PLCB4: variants seen among roughly 807,000 people sequenced by gnomAD.
PLCB4 encodes phospholipase C beta 4.
A neutral mutation model predicts 178.8 loss-of-function variants in PLCB4; 77 were observed. The observed-to-expected ratio is 0.43, with a 90% confidence interval of 0.36 to 0.52. The LOEUF is 0.52. Among genes scored for constraint, PLCB4 ranks in the 20% least tolerant of loss-of-function variants. The pLI is 0.00. For missense variants in PLCB4, 1,024 were observed against 1,453.4 expected, an observed-to-expected ratio of 0.70 and a Z score of 4.80; for synonymous variants, 496 against 490.8, an observed-to-expected ratio of 1.01 and a Z score of -0.14.
intron 7 of PLCB4, among the ~76,000 whole-genome samples, chr20:9,358,640 G>A (rs8121798): frequency 0.13 from 20,495 of 152,024 alleles, 2,330 homozygotes; most frequent in African/African-American, 0.32. Context: ...CACGCCTGTA[G>A]TTCCAGCACT....
intron 2 of PLCB4, among the ~76,000 whole-genome samples, chr20:9,179,044 ATAACT>A (rs1177910924): frequency 6.6e-6 from 1 of 152,232 alleles, no homozygotes; most frequent in Non-Finnish European, 1.5e-5. Context: ...AAAAATGAAG[ATAACT>A]TAAAATTGAC....
intron 2 of PLCB4, among the ~76,000 whole-genome samples, chr20:9,101,082 G>A (rs2091131878): frequency 6.6e-6 from 1 of 152,118 alleles, no homozygotes; most frequent in Non-Finnish European, 1.5e-5. Context: ...CAGGGACAGA[G>A]GTTGCCTGCT....
chr20:9,226,215 G>A (rs1042560404), intron 3 of PLCB4, among the ~76,000 whole-genome samples: 1 of 152,186 alleles, frequency 6.6e-6, no homozygotes, highest in South Asian at 2.1e-4. Context: ...GCTGGGAGGA[G>A]GCAATCCTCC....
At chr20:9,364,228 A>T (rs374483318) in intron 8 of PLCB4, among the ~76,000 whole-genome samples, 3 of 152,108 alleles carry the variant, frequency 2.0e-5, no homozygotes, top group East Asian at 3.8e-4. Flanking sequence ...TGATGTTATG[A>T]CTTCAGGCAC....
chr20:9,190,453 A>G (rs547227971), intron 2 of PLCB4, among the ~76,000 whole-genome samples: 7 of 152,210 alleles, frequency 4.6e-5, no homozygotes, highest in African/African-American at 1.7e-4. Context: ...ATGATTGTAA[A>G]TTTCCTGAGG....
intron 3 of PLCB4, among the ~76,000 whole-genome samples, chr20:9,297,977 G>C (rs146218288): frequency 1.3e-5 from 2 of 152,096 alleles, no homozygotes; most frequent in African/African-American, 4.8e-5. Flanking sequence ...AAATTGCCAG[G>C]GCTCAGAACA....
chr20:9,137,022 C>T (rs910047859), intron 2 of PLCB4, among the ~76,000 whole-genome samples: 1 of 151,984 alleles, frequency 6.6e-6, no homozygotes, highest in African/African-American at 2.4e-5. Context: ...CTCTTCTTGC[C>T]AACATGCTGT....
chr20:9,236,609 A>G (rs1422645446), intron 3 of PLCB4, among the ~76,000 whole-genome samples: 1 of 152,154 alleles, frequency 6.6e-6, no homozygotes, highest in Non-Finnish European at 1.5e-5. Flanking sequence ...CTGATTTTTA[A>G]GTGCTGTCTG....
At chr20:9,233,878 C>T (rs974522435) in intron 3 of PLCB4, among the ~76,000 whole-genome samples, 1 of 151,996 alleles carries the variant, frequency 6.6e-6, no homozygotes, top group African/African-American at 2.4e-5. Context: ...GGGAATTTAT[C>T]GATAGGCATG....
At chr20:9,172,929 G>GAAATAAT (rs2093088230) in intron 2 of PLCB4, among the ~76,000 whole-genome samples, 1 of 152,096 alleles carries the variant, frequency 6.6e-6, no homozygotes, top group Admixed American at 6.6e-5. Flanking sequence ...TTGTTTTTCT[G>GAAATAAT]AAATAATTTC....
intron 28 of PLCB4, among the ~76,000 whole-genome samples, chr20:9,426,481 C>A (rs557357114): frequency 6.6e-6 from 1 of 152,052 alleles, no homozygotes; most frequent in African/African-American, 2.4e-5. Context: ...CATGTTCAGG[C>A]GATTCTCCTG....
chr20:9,279,628 G>C (rs2094477056), intron 3 of PLCB4, among the ~76,000 whole-genome samples: 1 of 151,924 alleles, frequency 6.6e-6, no homozygotes, highest in Non-Finnish European at 1.5e-5. Flanking sequence ...TACTTCCAAA[G>C]AGTTCATCAT....
At chr20:9,461,135 G>T (rs2043365441) in intron 35 of PLCB4, among the ~76,000 whole-genome samples, 1 of 152,170 alleles carries the variant, frequency 6.6e-6, no homozygotes, top group East Asian at 1.9e-4. Flanking sequence ...CTTTTACATT[G>T]TTGAATAAAG....
In PLCB4 at chr20:9,070,801, A is replaced by G. The variant is rs532908189; in HGVS notation, c.-135+1595A>G. Among the ~76,000 whole-genome samples, 386 of 152,302 alleles carry G rather than the reference A, an allele frequency of 2.5e-3. 1 individual carries two copies. The highest frequency in any genetic ancestry group is 8.5e-3 in the African/African-American group (353 of 41,556). On this transcript the variant is annotated intron_variant, in intron 1 of 39. Transcript: ENST00000378473. ...ATGGACTACACTTCCTTCCAACTATATTATTACTCAACAGTTGGAACTTAG... is the reference window on the plus strand; with the variant it reads ...ATGGACTACACTTCCTTCCAACTATGTTATTACTCAACAGTTGGAACTTAG...
chr20:9,195,638 A>T (rs973155538), intron 2 of PLCB4, among the ~76,000 whole-genome samples: 2 of 151,728 alleles, frequency 1.3e-5, no homozygotes, highest in African/African-American at 4.8e-5. Flanking sequence ...GGGCTTTTTG[A>T]CTCAGGCTGG....
At chr20:9,128,672 G>C (rs1211681389) in intron 2 of PLCB4, among the ~76,000 whole-genome samples, 1 of 152,182 alleles carries the variant, frequency 6.6e-6, no homozygotes. Flanking sequence ...ACAGGCATGA[G>C]CCACCGCACC....
At chr20:9,070,928 G>A (rs1386675915) in intron 1 of PLCB4, among the ~76,000 whole-genome samples, 1 of 152,130 alleles carries the variant, frequency 6.6e-6, no homozygotes, top group Admixed American at 6.5e-5. Context: ...TGATCACTGG[G>A]TGCACATTTA....
chr20:9,452,634 A>T (rs1310309687), intron 32 of PLCB4, among the ~76,000 whole-genome samples: 1 of 152,208 alleles, frequency 6.6e-6, no homozygotes, highest in East Asian at 1.9e-4. Context: ...TTATATTGAA[A>T]TACCTACTTT....
chr20:9,473,169 AATT>A (rs1478814921), intron 37 of PLCB4, 107 bp from the exon 38 acceptor site: 21 of 634,320 alleles, frequency 3.3e-5, no homozygotes, highest in Non-Finnish European at 5.2e-5. Context: ...TTTTTTAAAA[AATT>A]ATTATCTCTT....
Sources: allele counts gnomAD v4.1 joint callset (sites outside exome capture counted in the v4.1 genomes callset), GRCh38; gene constraint gnomAD v4.1.1; transcripts MANE v1.5; gene names NCBI Gene and HGNC (gene_info 2026-07-23, HGNC 2026-07-21).